The following CORO1C variants were observed in gnomAD, a reference collection of about 807,000 sequenced individuals.
CORO1C encodes coronin-1C.
CORO1C carries 14 observed loss-of-function variants against 51.2 expected under a neutral mutation model. The observed-to-expected ratio is 0.27, with a 90% CI of 0.18 to 0.43. The LOEUF is 0.43. CORO1C is among the 20% of genes least tolerant of loss of function. The pLI, the probability that CORO1C is intolerant of heterozygous loss-of-function variation, is 1.00. For missense variants in CORO1C, 417 were observed against 607.8 expected (o/e 0.69, Z 3.30); for synonymous variants, 181 against 210.5 (o/e 0.86, Z 1.21).
intron 1 of CORO1C, among the ~76,000 whole-genome samples, chr12:108,727,860 A>T (rs1436848357): frequency 6.6e-6 from 1 of 152,210 alleles, no homozygotes; most frequent in African/African-American, 2.4e-5. Flanking sequence ...AAGGCACTTG[A>T]ATCTAGAATA....
intron 1 of CORO1C, among the ~76,000 whole-genome samples, chr12:108,712,570 C>CAAAAAA (rs138128974): frequency 7.5e-5 from 5 of 66,532 alleles, no homozygotes; most frequent in South Asian, 6.4e-4. Flanking sequence ...GAAACTGTCT[C>CAAAAAA]AAAAAAAAAA....
At chr12:108,698,907 C>T (rs1015618078) in intron 2 of CORO1C, among the ~76,000 whole-genome samples, 1 of 152,198 alleles carries the variant, frequency 6.6e-6, no homozygotes, top group Non-Finnish European at 1.5e-5. Flanking sequence ...CTTTAATACA[C>T]AAAAATCTCA....
At chr12:108,687,333 A>T (rs1288302972) in intron 2 of CORO1C, among the ~76,000 whole-genome samples, 1 of 152,132 alleles carries the variant, frequency 6.6e-6, no homozygotes. Flanking sequence ...CTACAAATAT[A>T]AAAATTAGTC....
intron 1 of CORO1C, among the ~76,000 whole-genome samples, chr12:108,726,620 T>A (rs748754539): frequency 1.4e-5 from 2 of 143,582 alleles, no homozygotes; most frequent in Non-Finnish European, 3.0e-5. Context: ...GACCAGCCTA[T>A]ACAACATAGT....
intron 1 of CORO1C, among the ~76,000 whole-genome samples, chr12:108,715,944 A>G (rs1231980467): frequency 6.6e-6 from 1 of 151,734 alleles, no homozygotes; most frequent in Admixed American, 6.6e-5. Flanking sequence ...CATCCTGGCT[A>G]ACACGGTGAA....
chr12:108,669,821 T>A (rs1404738127), intron 3 of CORO1C, among the ~76,000 whole-genome samples: 1 of 152,196 alleles, frequency 6.6e-6, no homozygotes, highest in Admixed American at 6.5e-5. Context: ...CAAACATTTC[T>A]TTAAACTTTC....
intron 8 of CORO1C, among the ~76,000 whole-genome samples, chr12:108,650,180 C>CT (rs1057367204): frequency 0.32 from 26,019 of 80,674 alleles, 6,674 homozygotes; most frequent in East Asian, 0.79. Context: ...AACCAAAAAC[C>CT]TTTTTTTTTT....
At chr12:108,704,065 G>T (rs1356638444) in intron 1 of CORO1C, among the ~76,000 whole-genome samples, 1 of 152,132 alleles carries the variant, frequency 6.6e-6, no homozygotes, top group Non-Finnish European at 1.5e-5. Flanking sequence ...ACTCAAATAG[G>T]CCAGATACCA....
Position 108,658,633 on chromosome 12 carries a change from A to C in CORO1C, c.630+105T>G. The stretch of plus-strand genomic sequence containing the variant: ...TCTTATTCACAGTTGGTGTCTACAC[A>C]CAACAGGGTCCCACTGACCAGTACC... On this transcript the variant is annotated intron_variant, in intron 5 of 10. Coordinates refer to ENST00000261401, the MANE Select transcript of CORO1C (RefSeq NM_014325.4). This position sits in a 1 kb window ranked among gnomAD's most constrained non-coding sequence, Gnocchi z 4.9. 1 of 1,086,812 alleles carries C rather than the reference A, an allele frequency of 9.2e-7. No individual in the cohort carries two copies. Among genetic ancestry groups the C allele is most frequent in the Non-Finnish European group, 1.3e-6 (1 of 751,896 alleles). The allele number at this position is 1,086,812 out of a possible 1,614,324, so 67.3% of individuals were successfully genotyped here. A position where few individuals can be genotyped will look rare whatever the true frequency, so the allele number is the denominator to read the frequency against.
intron 2 of CORO1C, among the ~76,000 whole-genome samples, chr12:108,683,738 C>T (rs1320617366): frequency 2.6e-5 from 4 of 151,994 alleles, no homozygotes; most frequent in Non-Finnish European, 5.9e-5. Flanking sequence ...TAACTCTACC[C>T]ATCACCACCT....
In CORO1C at chr12:108,659,486, T is replaced by C. The variant is rs186368154; in HGVS notation, c.449-567A>G. The stretch of plus-strand genomic sequence containing the variant: ...TTAATCCCACCACTCAGAGAGAAGA[T>C]CATTATTACTTTTTTGATGTTTCTT... On this transcript the variant is annotated intron_variant, in intron 4 of 10. Coordinates refer to ENST00000261401, the MANE Select transcript of CORO1C (RefSeq NM_014325.4). Among the ~76,000 whole-genome samples the C allele has an allele frequency of 4.6e-5, 7 of 152,326 alleles. No individual in the cohort carries two copies. The East Asian group carries it at 1.3e-3, about 29-fold the overall frequency.
chr12:108,726,568 C>T (rs1227669234), intron 1 of CORO1C, among the ~76,000 whole-genome samples: 3 of 151,296 alleles, frequency 2.0e-5, no homozygotes, highest in African/African-American at 7.3e-5. Flanking sequence ...CTAGCACTTT[C>T]GGAGGCTAAG....
intron 2 of CORO1C, among the ~76,000 whole-genome samples, chr12:108,687,004 G>T (rs2034317175): frequency 6.6e-6 from 1 of 152,168 alleles, no homozygotes; most frequent in Admixed American, 6.5e-5. Flanking sequence ...CTTCACCGTG[G>T]CAGAAACCGT....
chr12:108,667,568 A>G (rs1001993676), intron 3 of CORO1C, among the ~76,000 whole-genome samples: 2 of 152,202 alleles, frequency 1.3e-5, no homozygotes, highest in African/African-American at 4.8e-5. Flanking sequence ...TACTATGGCA[A>G]TGTTTTGTTT....
Position 108,645,194 on chromosome 12 carries a change from G to T in CORO1C, c.*2209C>A, listed in dbSNP as rs1233565785. The T allele has an allele frequency of 6.7e-6, 1 of 149,728 alleles. No homozygotes were observed. The highest frequency in any genetic ancestry group is 2.0e-4 in the East Asian group (1 of 5,116). 9.3% of individuals were successfully genotyped at this position (149,728 alleles called of 1,614,324 possible). A position where few individuals can be genotyped will look rare whatever the true frequency, so the allele number is the denominator to read the frequency against. On this transcript the variant is annotated 3_prime_UTR_variant, in exon 11 of 11. Transcript: ENST00000261401. ...GGCCACTCTATAAGAGCCGACCTAG[G>T]AGTAATTCACTGTCCTCTTCTGGGA...
At chr12:108,701,675 T>C (rs1236258778) in intron 1 of CORO1C, 1 of 234,672 alleles carries the variant, frequency 4.3e-6, no homozygotes, top group African/African-American at 2.3e-5. Context: ...CTTCCCCTTT[T>C]ACAGATAAGA....
At chr12:108,668,250 G>A (rs1036742161) in intron 3 of CORO1C, among the ~76,000 whole-genome samples, 3 of 152,210 alleles carry the variant, frequency 2.0e-5, no homozygotes, top group African/African-American at 7.2e-5. Flanking sequence ...GAACCATGAC[G>A]TGCAGAGTGG....
rs35894267 is a variant in CORO1C at position 108,701,516 on chromosome 12, G to GA, written c.-5-194dup. The GA allele has an allele frequency of 5.6e-6, 4 of 718,912 alleles. No homozygotes were observed. In the South Asian group the frequency reaches 5.9e-5, roughly 11 times the overall value. 44.5% of individuals were successfully genotyped at this position (718,912 alleles called of 1,614,324 possible). Reference sequence around the variant, plus strand: ...GGAGACAACTGCAAAATGCGTCAGGGAAAGAATTACAAAGAAATGAAAAAT... The same window carrying GA: ...GGAGACAACTGCAAAATGCGTCAGGGAAAAGAATTACAAAGAAATGAAAAAT... On this transcript the variant is annotated intron_variant, in intron 1 of 10. Coordinates refer to ENST00000261401, the MANE Select transcript of CORO1C (RefSeq NM_014325.4).
intron 2 of CORO1C, among the ~76,000 whole-genome samples, chr12:108,679,134 C>CAAGAAAA (rs2034028371): frequency 2.0e-5 from 1 of 49,688 alleles, no homozygotes; most frequent in African/African-American, 8.3e-5. Flanking sequence ...AAAAAAGAAA[C>CAAGAAAA]AAGAAAAAAG....
Sources: allele counts gnomAD v4.1 joint callset (sites outside exome capture counted in the v4.1 genomes callset), GRCh38; gene constraint gnomAD v4.1.1; non-coding constraint Gnocchi (gnomAD v3.1); transcripts MANE v1.5; gene names NCBI Gene and HGNC (gene_info 2026-07-23, HGNC 2026-07-21).